NKX1-1: variants seen among roughly 807,000 people sequenced by gnomAD.
The protein encoded by NKX1-1 is NK1 transcription factor-related protein 1.
In NKX1-1, 7 loss-of-function variants were observed where a neutral mutation model predicts 1.7. The ratio of observed to expected loss-of-function variants is 4.22; its 90% CI spans 2.40 to 7.92. The LOEUF (loss-of-function observed/expected upper bound fraction) is 7.92, where lower values mean the gene tolerates loss of function less well. NKX1-1 is among the 30% of genes most tolerant of loss of function. The pLI, the probability that NKX1-1 is intolerant of heterozygous loss-of-function variation, is 0.00. For synonymous variants in NKX1-1, 242 were observed against 85.3 expected (o/e 2.84, Z -10.13); for missense variants, 453 against 171.5 (o/e 2.64, Z -9.17).
rs752020230 is a variant in NKX1-1 at position 1,403,157 on chromosome 4, G to T, written c.1122C>A (p.Ala374=). The change falls in exon 2 of 2, where the codon GCC becomes GCA. Residue 374 remains alanine (A), a synonymous_variant. Transcript: ENST00000422806. ...CGCCGGGCAGCCCCGTGCCAGGCCC[G>T]GCCCCCGGTCCCGGTCCGCCCCCGC... ...TGGGGGPGPG[A]GPGTGLPGGL... 1.7e-6 allele frequency: 1 copy of T among 574,596 alleles called. No homozygotes were observed. Among genetic ancestry groups the T allele is most frequent in the Non-Finnish European group, 3.1e-6 (1 of 319,356 alleles). The allele number at this position is 574,596 out of a possible 1,614,324, so 35.6% of individuals were successfully genotyped here.
intron 1 of NKX1-1, among the ~76,000 whole-genome samples, chr4:1,405,268 A>G (rs1394337136): frequency 6.6e-6 from 1 of 152,224 alleles, no homozygotes; most frequent in Non-Finnish European, 1.5e-5. Context: ...CACAAAAAGC[A>G]ATCAGGAGCA....
At position 1,403,936 on chromosome 4, in the gene NKX1-1, C is replaced by T. The variant is rs542295110; in HGVS notation, c.464-121G>A. The stretch of plus-strand genomic sequence containing the variant: ...CCCTCCCGCCCCCTGCTCAGCGCCT[C>T]CTGCTTCGTCACCCGCCTCCTCTCT... On this transcript the variant is annotated intron_variant, in intron 1 of 1. Coordinates refer to ENST00000422806, the MANE Select transcript of NKX1-1 (RefSeq NM_001290079.1). 8 of 479,654 alleles carry T rather than the reference C, an allele frequency of 1.7e-5. 1 individual carries two copies. The East Asian group carries it at 2.8e-4, about 17-fold the overall frequency. The allele number at this position is 479,654 out of a possible 1,614,324, so 29.7% of individuals were successfully genotyped here. A position where few individuals can be genotyped will look rare whatever the true frequency, so the allele number is the denominator to read the frequency against.
At chr4:1,404,271 A>AC (rs1383025399) in intron 1 of NKX1-1, among the ~76,000 whole-genome samples, 3 of 152,174 alleles carry the variant, frequency 2.0e-5, no homozygotes, top group East Asian at 1.9e-4. Context: ...GGCGTATATT[A>AC]CCCCCCAATT....
chr4:1,405,104 G>T (rs1458991688), intron 1 of NKX1-1, among the ~76,000 whole-genome samples: 2 of 152,210 alleles, frequency 1.3e-5, no homozygotes, highest in Admixed American at 6.5e-5. Context: ...GGATTTGTTC[G>T]CCCTCCATCT....
chr4:1,404,719 G>T (rs1720721274), intron 1 of NKX1-1, among the ~76,000 whole-genome samples: 1 of 152,268 alleles, frequency 6.6e-6, no homozygotes, highest in African/African-American at 2.4e-5. Context: ...GGAGGAGTCG[G>T]GGCAGGTGCC....
At chr4:1,404,140 G>T (rs138907888) in intron 1 of NKX1-1, among the ~76,000 whole-genome samples, 1 of 152,358 alleles carries the variant, frequency 6.6e-6, no homozygotes, top group Non-Finnish European at 1.5e-5. Flanking sequence ...GCTGCGGGCC[G>T]GGCCCGGCTG....
rs548151088 is a variant in NKX1-1 at position 1,406,364 on chromosome 4, G to T, written c.79C>A (p.Pro27Thr). 2.9e-4 allele frequency: 106 copies of T among 369,140 alleles called. No individual in the cohort carries two copies. Among genetic ancestry groups the T allele is most frequent in the African/African-American group, 2.0e-3 (94 of 47,216 alleles). 22.9% of individuals were successfully genotyped at this position (369,140 alleles called of 1,614,324 possible). ...TGGGCAGCGGCGGCGGGAGCGGGCG[G>T]TGCGGGCCCCGAACCTGGCTGGGGA... The part of the protein sequence containing the change: ...PPPQPGSGPA[P>T]PAPAAAAQEA... The change falls in exon 1 of 2, where the codon CCG becomes ACG. Residue 27 changes from proline to threonine, a missense_variant. Pro to Thr is a conservative substitution (Grantham distance 38). Transcript: ENST00000422806.
intron 1 of NKX1-1, among the ~76,000 whole-genome samples, chr4:1,404,894 G>A (rs1720723256): frequency 6.6e-6 from 1 of 152,228 alleles, no homozygotes; most frequent in Non-Finnish European, 1.5e-5. Context: ...CCCTCAGCAG[G>A]AGTAGGATCC....
intron 1 of NKX1-1, among the ~76,000 whole-genome samples, chr4:1,404,042 GTTTC>G (rs1720706106): frequency 1.3e-5 from 2 of 152,068 alleles, no homozygotes; most frequent in South Asian, 4.1e-4. Context: ...TCCCTTGCTT[GTTTC>G]TTTCTATGGA....
chr4:1,403,825 G>A lies in NKX1-1; in HGVS notation c.464-10C>T. 1 of 657,196 alleles carries A rather than the reference G, an allele frequency of 1.5e-6. No homozygotes were observed. Among genetic ancestry groups the A allele is most frequent in the Non-Finnish European group, 2.7e-6 (1 of 364,336 alleles). 40.7% of individuals were successfully genotyped at this position (657,196 alleles called of 1,614,324 possible). ...AAGGGGTCGCCGGCGTCTGCGGGAG[G>A]GAGGGACAAGGACAGGGCAGGGCAG... is the stretch of plus-strand genomic sequence containing the variant. On this transcript the variant is annotated splice_polypyrimidine_tract_variant and intron_variant, in intron 1 of 1. Coordinates refer to ENST00000422806, the MANE Select transcript of NKX1-1 (RefSeq NM_001290079.1).
At position 1,403,261 on chromosome 4, in the gene NKX1-1, C is replaced by T. The variant is rs749911803; in HGVS notation, c.1018G>A (p.Val340Met). ...CGGCGGTTCTGGAACCAGATCTTCA[C>T]CTGCGTCTCGGTGAGGCTGAGCGAC... ...ALSLSLTETQ[V>M]KIWFQNRRTK... is the part of the protein sequence containing the mutation. Residue 340 changes from valine to methionine, a missense_variant, in exon 2 of 2, where the codon GTG (valine) becomes ATG (methionine). Transcript: ENST00000422806. 1.4e-6 allele frequency: 1 copy of T among 737,444 alleles called. No individual in the cohort carries two copies. The allele number at this position is 737,444 out of a possible 1,614,324, so 45.7% of individuals were successfully genotyped here. A position where few individuals can be genotyped will look rare whatever the true frequency, so the allele number is the denominator to read the frequency against.
Position 1,403,468 on chromosome 4 carries a change from T to C in NKX1-1, c.811A>G (p.Thr271Ala). The change falls in exon 2 of 2, where the codon ACC (threonine) becomes GCC (alanine). Residue 271 changes from threonine (T) to alanine (A), a missense_variant. Transcript: ENST00000422806. ...GGAAAPGGAGTTPQGTATAAK... is the reference protein window; with the variant it reads ...GGAAAPGGAGATPQGTATAAK... ...GCCGTCGCCGTGCCCTGCGGGGTGG[T>C]CCCCGCGCCCCCCGGCGCCGCTGCA... The C allele has an allele frequency of 3.4e-6, 2 of 593,262 alleles. No individual in the cohort carries two copies. The highest frequency in any genetic ancestry group is 6.0e-6 in the Non-Finnish European group (2 of 334,112). The allele number at this position is 593,262 out of a possible 1,614,324, so 36.7% of individuals were successfully genotyped here. A position where few individuals can be genotyped will look rare whatever the true frequency, so the allele number is the denominator to read the frequency against.
At chr4:1,405,664 G>C (rs1479429503) in intron 1 of NKX1-1, among the ~76,000 whole-genome samples, 1 of 152,214 alleles carries the variant, frequency 6.6e-6, no homozygotes, top group South Asian at 2.1e-4. Flanking sequence ...CACCGCGAGC[G>C]GCCCCTCGCC....
At chr4:1,405,658 G>A (rs1171274420) in intron 1 of NKX1-1, among the ~76,000 whole-genome samples, 1 of 152,200 alleles carries the variant, frequency 6.6e-6, no homozygotes, top group Non-Finnish European at 1.5e-5. Flanking sequence ...GCCAGCCACC[G>A]CGAGCGGCCC....
Position 1,403,688 on chromosome 4 carries a change from GTCGTCGTCCTCGTCGTCGGGAACC to G in NKX1-1, c.567_590del (p.Glu189_Asp196del), listed in dbSNP as rs1489761025. On this transcript the variant is annotated inframe_deletion, in exon 2 of 2. Coordinates refer to ENST00000422806, the MANE Select transcript of NKX1-1 (RefSeq NM_001290079.1). ...CCTCCGTCTCGGGCGCTTCGTCCTCGTCGTCGTCCTCGTCGTCGGGAACCTCGTCCCCGCTGTCCGCGCTCGGGC... is the reference window on the plus strand; with the variant it reads ...CCTCCGTCTCGGGCGCTTCGTCCTCGTCGTCCCCGCTGTCCGCGCTCGGGC... 1 of 680,156 alleles carries G rather than the reference GTCGTCGTCCTCGTCGTCGGGAACC, an allele frequency of 1.5e-6. No individual in the cohort carries two copies. The highest frequency in any genetic ancestry group is 1.9e-5 in the African/African-American group (1 of 53,586). The allele number at this position is 680,156 out of a possible 1,614,324, so 42.1% of individuals were successfully genotyped here.
intron 1 of NKX1-1, among the ~76,000 whole-genome samples, chr4:1,404,387 C>T (rs1302215045): frequency 6.6e-6 from 1 of 152,236 alleles, no homozygotes; most frequent in African/African-American, 2.4e-5. Context: ...AATCCTATGC[C>T]CTGGCCCCGA....
Position 1,406,217 on chromosome 4 carries a change from G to C in NKX1-1, c.226C>G (p.Pro76Ala), listed in dbSNP as rs1220557624. ...ACCGAGAAGGAGGTGGGGCGCAGGG[G>C]CGCTGCGGGCCGGGCCGCTCCAGCC... Reference protein sequence around the residue: ...EGAGAARPAAPLRPTSFSVLD... With the variant: ...EGAGAARPAAALRPTSFSVLD... The change falls in exon 1 of 2, where the codon CCC becomes GCC. Residue 76 changes from proline (P) to alanine (A), a missense_variant. By Grantham distance (27) the Pro-to-Ala change is conservative (BLOSUM62 -1). Transcript: ENST00000422806. 1.8e-6 allele frequency: 1 copy of C among 558,850 alleles called. No homozygotes were observed. Among genetic ancestry groups the C allele is most frequent in the African/African-American group, 2.0e-5 (1 of 50,144 alleles). 34.6% of individuals were successfully genotyped at this position (558,850 alleles called of 1,614,324 possible).
intron 1 of NKX1-1, among the ~76,000 whole-genome samples, chr4:1,405,164 CGCAGAGCCGGTGGCCGCG>C (rs1404677498): frequency 6.6e-6 from 1 of 152,136 alleles, no homozygotes; most frequent in African/African-American, 2.4e-5. Flanking sequence ...AGCCTCCAGG[CGCAGAGCCGGTGGCCGCG>C]GCCCAGCCCG....
In NKX1-1 at chr4:1,405,967, G is replaced by T. The variant is rs933563447; in HGVS notation, c.463+13C>A. 6.6e-6 allele frequency: 3 copies of T among 454,322 alleles called. No homozygotes were observed. The highest frequency in any genetic ancestry group is 4.4e-5 in the Admixed American group (1 of 22,854). The allele number at this position is 454,322 out of a possible 1,614,324, so 28.1% of individuals were successfully genotyped here. A position where few individuals can be genotyped will look rare whatever the true frequency, so the allele number is the denominator to read the frequency against. On this transcript the variant is annotated intron_variant, in intron 1 of 1. Coordinates refer to ENST00000422806, the MANE Select transcript of NKX1-1 (RefSeq NM_001290079.1). Reference sequence around the variant, plus strand: ...CCGTCCCTGCGACCTGGTGCCGGGCGCATCCTACTCACTCGGCGGCTCAGC... The same window carrying T: ...CCGTCCCTGCGACCTGGTGCCGGGCTCATCCTACTCACTCGGCGGCTCAGC...
Sources: allele counts gnomAD v4.1 joint callset (sites outside exome capture counted in the v4.1 genomes callset), GRCh38; gene constraint gnomAD v4.1.1; transcripts MANE v1.5; gene names NCBI Gene and HGNC (gene_info 2026-07-23, HGNC 2026-07-21).